PAQR5: variants seen among roughly 807,000 people sequenced by gnomAD.
PAQR5 encodes progestin and adipoQ receptor family member 5.
Under a neutral mutation model 34.5 loss-of-function variants are expected in PAQR5, and 20 were observed. The observed-to-expected ratio is 0.58, with a 90% CI of 0.41 to 0.84. The LOEUF is 0.84. Among genes scored for constraint, PAQR5 ranks in the 40% least tolerant of loss-of-function variants. The probability of loss-of-function intolerance (pLI) is 0.00; values close to 1 mark genes in which losing one functional copy is unlikely to be tolerated. For missense variants in PAQR5, 378 were observed against 412.7 expected (o/e 0.92, Z 0.73); for synonymous variants, 131 against 155.6 (o/e 0.84, Z 1.18).
intron 1 of PAQR5, among the ~76,000 whole-genome samples, chr15:69,301,070 C>T (rs1309794742): frequency 6.7e-6 from 1 of 149,220 alleles, no homozygotes; most frequent in African/African-American, 2.5e-5. Flanking sequence ...AGGGCGAGAT[C>T]TCAGCTAACT....
intron 1 of PAQR5, among the ~76,000 whole-genome samples, chr15:69,323,144 G>A (rs1440364363): frequency 6.6e-6 from 1 of 152,224 alleles, no homozygotes; most frequent in Non-Finnish European, 1.5e-5. Context: ...CAGGAACAAT[G>A]AGGAGGATTT....
chr15:69,361,181 C>CA (rs2055222104), intron 3 of PAQR5, among the ~76,000 whole-genome samples: 3 of 152,186 alleles, frequency 2.0e-5, no homozygotes, highest in African/African-American at 7.2e-5. Flanking sequence ...GTGCACTTTG[C>CA]TGGTTGGTTC....
intron 3 of PAQR5, among the ~76,000 whole-genome samples, chr15:69,375,347 G>A (rs1019060180): frequency 1.3e-5 from 2 of 152,108 alleles, no homozygotes; most frequent in African/African-American, 2.4e-5. Flanking sequence ...GATTGGATTA[G>A]GACCCACCCT....
At chr15:69,359,650 C>G (rs192536153) in intron 2 of PAQR5, among the ~76,000 whole-genome samples, 7 of 151,890 alleles carry the variant, frequency 4.6e-5, no homozygotes, top group African/African-American at 1.5e-4. Flanking sequence ...ACTACCAGGC[C>G]CAGGGTGTGG....
At chr15:69,311,038 C>CCAAAA (rs2053822007) in intron 1 of PAQR5, among the ~76,000 whole-genome samples, 1 of 36,120 alleles carries the variant, frequency 2.8e-5, no homozygotes, top group African/African-American at 8.0e-5. Flanking sequence ...GACTCCGTCG[C>CCAAAA]AAAAAATAAA....
chr15:69,392,109 T>A (rs2056292374), intron 6 of PAQR5: 1 of 190,594 alleles, frequency 5.2e-6, no homozygotes, highest in Admixed American at 6.1e-5. Flanking sequence ...AGCTCATAAT[T>A]CAAATTCTTA....
At chr15:69,394,832 T>C (rs2056370462) in intron 6 of PAQR5, among the ~76,000 whole-genome samples, 1 of 152,240 alleles carries the variant, frequency 6.6e-6, no homozygotes, top group Non-Finnish European at 1.5e-5. Flanking sequence ...GGACGGCCCC[T>C]CTCCCGAGCT....
rs56373718 is a variant in PAQR5 at position 69,300,807 on chromosome 15, TTTCCTTCC to T, written c.-277+1770_-277+1777del. On this transcript the variant is annotated intron_variant, in intron 1 of 8. Coordinates refer to ENST00000395407, the MANE Select transcript of PAQR5 (RefSeq NM_017705.4). Reference sequence around the variant, plus strand: ...CTCTCTTTCTTTCTTTCTTTCCTTCTTTCCTTCCTTCCTTCCTTCCTTCCTTTAGTTCG... The same window carrying T: ...CTCTCTTTCTTTCTTTCTTTCCTTCTTTCCTTCCTTCCTTCCTTTAGTTCG... 6.8e-4 allele frequency among the ~76,000 whole-genome samples: 16 copies of T among 23,390 alleles called. 6 individuals carry two copies. Among genetic ancestry groups the T allele is most frequent in the Non-Finnish European group, 1.4e-3 (14 of 9,702 alleles). The allele number at this position is 23,390 out of a possible 152,430, so 15.3% of individuals were successfully genotyped here. A position where few individuals can be genotyped will look rare whatever the true frequency, so the allele number is the denominator to read the frequency against.
intron 4 of PAQR5, among the ~76,000 whole-genome samples, chr15:69,381,493 G>A (rs1157877210): frequency 6.6e-6 from 1 of 152,188 alleles, no homozygotes; most frequent in East Asian, 1.9e-4. Context: ...CTGCTAAAAG[G>A]GTACCAGCCT....
At chr15:69,378,651 G>C (rs1292196589) in intron 3 of PAQR5, among the ~76,000 whole-genome samples, 1 of 151,938 alleles carries the variant, frequency 6.6e-6, no homozygotes, top group Admixed American at 6.6e-5. Context: ...TTTAGATTAT[G>C]ATTACTAATA....
At position 69,384,773 on chromosome 15, in the gene PAQR5, C is replaced by T. The variant is rs202235988; in HGVS notation, c.276C>T (p.Cys92=). 17 of 1,613,496 alleles carry T rather than the reference C, an allele frequency of 1.1e-5. No individual in the cohort carries two copies. Among genetic ancestry groups the T allele is most frequent in the Admixed American group, 6.7e-5 (4 of 60,014 alleles). Residue 92 remains cysteine (C), a synonymous_variant, in exon 5 of 9, where the codon TGC becomes TGT. Transcript: ENST00000395407. ...TGCTTGTGTACATGTGCACCAGCTG[C>T]GTGTACCCACTTGTGTCCAGCTGTG... is the stretch of plus-strand genomic sequence containing the variant. ...WPMLVYMCTS[C]VYPLVSSCAH...
At chr15:69,402,850 C>T (rs1170514077) in intron 8 of PAQR5, among the ~76,000 whole-genome samples, 1 of 152,230 alleles carries the variant, frequency 6.6e-6, no homozygotes, top group South Asian at 2.1e-4. Context: ...CGACCCTAGG[C>T]ATTGGATTTG....
chr15:69,337,968 T>G (rs917176810), intron 2 of PAQR5, among the ~76,000 whole-genome samples: 1 of 151,856 alleles, frequency 6.6e-6, no homozygotes, highest in Non-Finnish European at 1.5e-5. Context: ...TCCCAGTTAC[T>G]TGGGAAGCTG....
chr15:69,308,538 G>A (rs2053765548), intron 1 of PAQR5, among the ~76,000 whole-genome samples: 1 of 152,080 alleles, frequency 6.6e-6, no homozygotes, highest in African/African-American at 2.4e-5. Flanking sequence ...ACAGATGCCA[G>A]TAGCCACACA....
In PAQR5 at chr15:69,340,156, G is replaced by A. The variant is rs535530380; in HGVS notation, c.-116+2655G>A. Among the ~76,000 whole-genome samples, 22 of 152,148 alleles carry A rather than the reference G, an allele frequency of 1.4e-4. No homozygotes were observed. The South Asian group carries it at 2.5e-3, about 17-fold the overall frequency. ...GCTGGGATTACAGGCATGAGCCACC[G>A]TGCCCGGCCTCACATTAACACCTTT... On this transcript the variant is annotated intron_variant, in intron 2 of 8. Coordinates refer to ENST00000395407, the MANE Select transcript of PAQR5 (RefSeq NM_017705.4).
Position 69,359,952 on chromosome 15 carries a change from C to T in PAQR5, c.-115-14C>T. The T allele has an allele frequency of 1.4e-6, 1 of 707,166 alleles. No individual in the cohort carries two copies. Among genetic ancestry groups the T allele is most frequent in the Non-Finnish European group, 2.5e-6 (1 of 396,990 alleles). 43.8% of individuals were successfully genotyped at this position (707,166 alleles called of 1,614,324 possible). A position where few individuals can be genotyped will look rare whatever the true frequency, so the allele number is the denominator to read the frequency against. On this transcript the variant is annotated splice_polypyrimidine_tract_variant and intron_variant, in intron 2 of 8. Transcript: ENST00000395407. ...CTGAAACTGACTGGATTTCTTCATG[C>T]TGTCCTCTTTCAGGGAAGCGGCACA...
At chr15:69,387,300 A>G (rs2056139994) in intron 5 of PAQR5, among the ~76,000 whole-genome samples, 1 of 152,210 alleles carries the variant, frequency 6.6e-6, no homozygotes, top group Non-Finnish European at 1.5e-5. Flanking sequence ...GCCCTGGTCC[A>G]GGCCCCTGAC....
intron 7 of PAQR5, among the ~76,000 whole-genome samples, chr15:69,399,583 C>A (rs1251798051): frequency 1.3e-5 from 2 of 152,206 alleles, no homozygotes; most frequent in Non-Finnish European, 2.9e-5. Context: ...ACTGTACTTA[C>A]ATTTTACCCC....
At position 69,322,889 on chromosome 15, in the gene PAQR5, G is replaced by A. The variant is rs572525859; in HGVS notation, c.-276-14452G>A. ...AAGAAGAGAAGATGGAGTAAGAGAT[G>A]TCTCATCCAGTGCAAATAACGAGCA... On this transcript the variant is annotated intron_variant, in intron 1 of 8. Transcript: ENST00000395407. 2.0e-5 allele frequency among the ~76,000 whole-genome samples: 3 copies of A among 149,372 alleles called. No homozygotes were observed. In the South Asian group the frequency reaches 6.4e-4, roughly 32 times the overall value.
Sources: allele counts gnomAD v4.1 joint callset (sites outside exome capture counted in the v4.1 genomes callset), GRCh38; gene constraint gnomAD v4.1.1; transcripts MANE v1.5; gene names NCBI Gene and HGNC (gene_info 2026-07-23, HGNC 2026-07-21).